The following NADK2 variants were observed in gnomAD, a reference collection of about 807,000 sequenced individuals.
NADK2 encodes NAD kinase domain-containing protein 1, mitochondrial.
A neutral mutation model predicts 62.1 loss-of-function variants in NADK2; 35 were observed. The ratio of observed to expected loss-of-function variants is 0.56; its 90% CI spans 0.43 to 0.75. NADK2 has a LOEUF of 0.75. Among genes scored for constraint, NADK2 ranks in the 30% least tolerant of loss-of-function variants. NADK2 has a pLI of 0.00. For synonymous variants in NADK2, 205 were observed against 207.9 expected, an observed-to-expected ratio of 0.99 and a Z score of 0.12; for missense variants, 439 against 561.3, an observed-to-expected ratio of 0.78 and a Z score of 2.20.
At chr5:36,214,487 AC>A (rs537553266) in intron 6 of NADK2, among the ~76,000 whole-genome samples, 131 of 152,306 alleles carry the variant, frequency 8.6e-4, no homozygotes, top group Middle Eastern at 3.4e-3. Flanking sequence ...GCCACTGATT[AC>A]TTTTTTATCC....
At chr5:36,236,435 C>A (rs189776929) in intron 1 of NADK2, among the ~76,000 whole-genome samples, 27 of 152,342 alleles carry the variant, frequency 1.8e-4, no homozygotes, top group Non-Finnish European at 3.1e-4. Context: ...TAAAAATCAT[C>A]TTTTGCTTGG....
intron 8 of NADK2, among the ~76,000 whole-genome samples, chr5:36,202,012 T>C (rs1207976289): frequency 6.6e-6 from 1 of 152,028 alleles, no homozygotes; most frequent in Non-Finnish European, 1.5e-5. Context: ...ATGATCTCAA[T>C]ATATAATCCC....
At chr5:36,198,350 T>TA (rs1311772364) in intron 10 of NADK2, among the ~76,000 whole-genome samples, 1 of 151,664 alleles carries the variant, frequency 6.6e-6, no homozygotes, top group Non-Finnish European at 1.5e-5. Flanking sequence ...TTACTGACTT[T>TA]AAAAAAAATC....
In NADK2 at chr5:36,233,899, TAA is replaced by T. The variant is rs572554753; in HGVS notation, c.301-6336_301-6335del. 2.6e-3 allele frequency among the ~76,000 whole-genome samples: 393 copies of T among 152,292 alleles called. 2 individuals are homozygous for T. The highest frequency in any genetic ancestry group is 9.1e-3 in the African/African-American group (380 of 41,566). On this transcript the variant is annotated intron_variant, in intron 1 of 11. Coordinates refer to ENST00000381937, the MANE Select transcript of NADK2 (RefSeq NM_001085411.3). ...ATATTTAATTCAAACATCCTGAAAT[TAA>T]AAGATACCATTTCACCTTCATATTA...
chr5:36,228,171 T>C (rs1747555361), intron 1 of NADK2, among the ~76,000 whole-genome samples: 1 of 152,190 alleles, frequency 6.6e-6, no homozygotes, highest in South Asian at 2.1e-4. Flanking sequence ...TATATACATA[T>C]ATCCTTCAAA....
upstream of NADK2, chr5:36,241,995 G>A (rs570483123): frequency 4.5e-4 from 141 of 312,492 alleles, no homozygotes; most frequent in African/African-American, 3.0e-3. This position sits in a 1 kb window ranked among gnomAD's most constrained non-coding sequence, Gnocchi z 4.9. Flanking sequence ...AAAGCGTGGC[G>A]ATTGGGAAAC....
At chr5:36,229,298 G>T (rs1030045053) in intron 1 of NADK2, among the ~76,000 whole-genome samples, 31 of 152,160 alleles carry the variant, frequency 2.0e-4, no homozygotes, top group Non-Finnish European at 1.0e-4. Flanking sequence ...TACTATAATA[G>T]ATTAGACAGC....
rs115930823 is a variant in NADK2 at position 36,234,902 on chromosome 5, T to C, written c.300+6597A>G. On this transcript the variant is annotated intron_variant, in intron 1 of 11. Transcript: ENST00000381937. Reference sequence around the variant, plus strand: ...TACCCTTCCCAAATTGTTCTCTCCCTTCCCTGTACTCCCATGGATCACTTA... The same window carrying C: ...TACCCTTCCCAAATTGTTCTCTCCCCTCCCTGTACTCCCATGGATCACTTA... 1.7e-3 allele frequency among the ~76,000 whole-genome samples: 262 copies of C among 152,308 alleles called. 1 individual carries two copies. Among genetic ancestry groups the C allele is most frequent in the African/African-American group, 6.0e-3 (249 of 41,570 alleles).
At chr5:36,214,616 C>G (rs1270643135) in intron 6 of NADK2, among the ~76,000 whole-genome samples, 2 of 152,182 alleles carry the variant, frequency 1.3e-5, no homozygotes, top group Non-Finnish European at 2.9e-5. Flanking sequence ...AACTTTATTT[C>G]CAGGTCTACT....
At chr5:36,225,144 C>T (rs16902835) in intron 4 of NADK2, among the ~76,000 whole-genome samples, 54,939 of 151,872 alleles carry the variant, frequency 0.36, 10,201 homozygotes, top group South Asian at 0.5. Flanking sequence ...AACATAATTT[C>T]CTACCACCAA....
chr5:36,222,974 T>G (rs577809410), intron 4 of NADK2, among the ~76,000 whole-genome samples: 1 of 152,102 alleles, frequency 6.6e-6, no homozygotes, highest in African/African-American at 2.4e-5. Flanking sequence ...GAGGCCAGTG[T>G]GGCTAGAATA....
chr5:36,196,560 C>A (rs928579059), intron 11 of NADK2, among the ~76,000 whole-genome samples: 3 of 152,078 alleles, frequency 2.0e-5, no homozygotes, highest in Non-Finnish European at 4.4e-5. Flanking sequence ...CTGAAAATAT[C>A]TTTCTCGCTC....
intron 10 of NADK2, 63 bp downstream of exon 10, chr5:36,200,164 A>G: frequency 8.4e-7 from 1 of 1,194,532 alleles, no homozygotes; most frequent in Non-Finnish European, 1.1e-6. Flanking sequence ...AACACTTCAC[A>G]CTATCATCCT....
intron 4 of NADK2, among the ~76,000 whole-genome samples, chr5:36,219,970 C>A (rs927477874): frequency 6.6e-6 from 1 of 152,002 alleles, no homozygotes; most frequent in African/African-American, 2.4e-5. Flanking sequence ...TACTAATTAC[C>A]CTGTAAAGTT....
In NADK2 at chr5:36,226,563, C is replaced by A; in HGVS notation, c.390G>T (p.Arg130=). The change falls in exon 3 of 12, where the codon CGG becomes CGT. Residue 130 remains arginine, a splice_region_variant and synonymous_variant. Transcript: ENST00000381937. ...KNVEHIIDSL[R]NEGIEVRLVK... ...CTAGACGAACCTCAATTCCCTCATT[C>A]CTAGGATAAAAAAGGAAAGGTTATA... is the stretch of plus-strand genomic sequence containing the variant. 3.7e-6 allele frequency: 6 copies of A among 1,608,994 alleles called. No homozygotes were observed. Among genetic ancestry groups the A allele is most frequent in the Non-Finnish European group, 5.1e-6 (6 of 1,176,732 alleles).
chr5:36,227,954 C>T (rs73080036), intron 1 of NADK2, among the ~76,000 whole-genome samples: 6,800 of 151,354 alleles, frequency 0.045, 507 homozygotes, highest in African/African-American at 0.16. Context: ...ATGCCATTCT[C>T]CTGCCTCAGC....
intron 1 of NADK2, among the ~76,000 whole-genome samples, chr5:36,237,558 T>A (rs1328656431): frequency 6.6e-6 from 1 of 152,232 alleles, no homozygotes; most frequent in African/African-American, 2.4e-5. Flanking sequence ...ATCTTTTATA[T>A]TTTGAATCAT....
chr5:36,234,774 A>G (rs140800475), intron 1 of NADK2, among the ~76,000 whole-genome samples: 21 of 152,338 alleles, frequency 1.4e-4, no homozygotes, highest in African/African-American at 4.8e-4. Flanking sequence ...AAACATTTCT[A>G]TATGTTTGAA....
chr5:36,230,905 T>C (rs1277446848), intron 1 of NADK2, among the ~76,000 whole-genome samples: 1 of 152,230 alleles, frequency 6.6e-6, no homozygotes, highest in African/African-American at 2.4e-5. Flanking sequence ...AAGACAATGA[T>C]AACTAATTCA....
Sources: allele counts gnomAD v4.1 joint callset (sites outside exome capture counted in the v4.1 genomes callset), GRCh38; gene constraint gnomAD v4.1.1; non-coding constraint Gnocchi (gnomAD v3.1); transcripts MANE v1.5; gene names NCBI Gene and HGNC (gene_info 2026-07-23, HGNC 2026-07-21).